Variants in ALOX15 observed in about 807,000 individuals in gnomAD.
ALOX15 encodes polyunsaturated fatty acid lipoxygenase ALOX15.
ALOX15 carries 68 observed loss-of-function variants against 71.7 expected under a neutral mutation model. The ratio of observed to expected loss-of-function variants is 0.95; its 90% confidence interval spans 0.78 to 1.16. ALOX15 has a LOEUF of 1.16. Among genes scored for constraint, ALOX15 ranks in the 50% most tolerant of loss-of-function variants. ALOX15 has a pLI of 0.00. For missense variants in ALOX15, 798 were observed against 818.8 expected, an observed-to-expected ratio of 0.97 and a Z score of 0.31; for synonymous variants, 346 against 333.3, an observed-to-expected ratio of 1.04 and a Z score of -0.42.
intron 8 of ALOX15, among the ~76,000 whole-genome samples, chr17:4,635,294 C>G (rs992375606): frequency 3.3e-5 from 5 of 151,254 alleles, no homozygotes; most frequent in Non-Finnish European, 5.9e-5. Context: ...ATTAGCCAGG[C>G]CTGGTGGTGC....
chr17:4,636,768 C>G (rs1158828826), intron 7 of ALOX15, among the ~76,000 whole-genome samples: 2 of 152,174 alleles, frequency 1.3e-5, no homozygotes, highest in Non-Finnish European at 2.9e-5. Flanking sequence ...CTACCTCAGC[C>G]TCTGCCCAGT....
chr17:4,636,161 A>C (rs1911089191), intron 7 of ALOX15, among the ~76,000 whole-genome samples, 193 bp from the exon 8 acceptor site: 1 of 152,102 alleles, frequency 6.6e-6, no homozygotes. Flanking sequence ...AGCACCCTGC[A>C]AGCTGCTTTG....
rs141412026 is a variant in ALOX15 at position 4,639,116 on chromosome 17, C to G, written c.354G>C (p.Glu118Asp). Reference protein sequence around the residue: ...LPEGTGRTVGEDPQGLFQKHR... With the variant: ...LPEGTGRTVGDDPQGLFQKHR... ...GTTTCTGGAACAGGCCCTGAGGGTC[C>G]TCGCCCACAGTGCGGCCTAGAAGGA... The change falls in exon 3 of 14, where the codon GAG (glutamate) becomes GAC (aspartate). Residue 118 changes from glutamate to aspartate, a missense_variant. Physicochemically the swap from Glu to Asp is conservative, Grantham distance 45 (BLOSUM62 2). Transcript: ENST00000293761. 79 of 1,614,202 alleles carry G rather than the reference C, an allele frequency of 4.9e-5. No homozygotes were observed. Among genetic ancestry groups the G allele is most frequent in the Middle Eastern group, 1.6e-4 (1 of 6,062 alleles).
intron 11 of ALOX15, 57 bp downstream of exon 11, chr17:4,632,804 T>G: frequency 1.2e-6 from 2 of 1,611,266 alleles, no homozygotes; most frequent in Non-Finnish European, 1.7e-6. Context: ...CACAGGGGAT[T>G]CTGGGAAGAT....
At chr17:4,634,535 C>G (rs1288612231) in intron 8 of ALOX15, among the ~76,000 whole-genome samples, 1 of 151,550 alleles carries the variant, frequency 6.6e-6, no homozygotes, top group East Asian at 1.9e-4. Flanking sequence ...TTTTAATCAC[C>G]CACTAAGTAC....
At chr17:4,634,008 C>T (rs1161543635) in intron 8 of ALOX15, among the ~76,000 whole-genome samples, 1 of 152,120 alleles carries the variant, frequency 6.6e-6, no homozygotes, top group East Asian at 1.9e-4. Flanking sequence ...AATAAGGGAA[C>T]AACAGACACC....
rs913083815 is a variant in ALOX15 at position 4,631,366 on chromosome 17, G to A, written c.*234C>T. 30 of 555,614 alleles carry A rather than the reference G, an allele frequency of 5.4e-5. No individual in the cohort carries two copies. Among genetic ancestry groups the A allele is most frequent in the Non-Finnish European group, 9.5e-5 (30 of 315,204 alleles). The allele number at this position is 555,614 out of a possible 1,614,324, so 34.4% of individuals were successfully genotyped here. ...ATAGATCTGAATGAAGAAAGAGGAA[G>A]AGAGAGAGGAAGGAAGATAGGAAAG... On this transcript the variant is annotated 3_prime_UTR_variant, in exon 14 of 14. Coordinates refer to ENST00000293761, the MANE Select transcript of ALOX15 (RefSeq NM_001140.5).
Position 4,633,496 on chromosome 17 carries a change from A to G in ALOX15, c.1166T>C (p.Ile389Thr). The change falls in exon 9 of 14, where the codon ATA (isoleucine) becomes ACA (threonine). Residue 389 changes from isoleucine to threonine, a missense_variant. Physicochemically the swap from Ile to Thr is moderately conservative, Grantham distance 89. Coordinates refer to ENST00000293761, the MANE Select transcript of ALOX15 (RefSeq NM_001140.5). ...CAGGGTGTATCGCAGGTGGGGAATT[A>G]TAAGCTAGAGGGAGAAACACAGGGA... Reference protein sequence around the residue: ...LPSIHPIFKLIIPHLRYTLEI... With the variant: ...LPSIHPIFKLTIPHLRYTLEI... 6.2e-7 allele frequency: 1 copy of G among 1,613,874 alleles called. No homozygotes were observed. Among genetic ancestry groups the G allele is most frequent in the Non-Finnish European group, 8.5e-7 (1 of 1,179,788 alleles).
intron 7 of ALOX15, among the ~76,000 whole-genome samples, chr17:4,636,592 C>G (rs1911109187): frequency 6.6e-6 from 1 of 152,274 alleles, no homozygotes; most frequent in African/African-American, 2.4e-5. Context: ...GCCCCAGTCC[C>G]TATTTCTAGC....
chr17:4,633,055 C>T lies in ALOX15; in HGVS notation c.1419-73G>A, dbSNP rs34348637. On this transcript the variant is annotated intron_variant, in intron 10 of 13. Coordinates refer to ENST00000293761, the MANE Select transcript of ALOX15 (RefSeq NM_001140.5). ...CTGCTCACATGGCCAGGTCAGGGCC[C>T]CAGGCCCCCAACCAGACGCAGACCT... 1,899 of 1,611,294 alleles carry T rather than the reference C, an allele frequency of 1.2e-3. 24 individuals are homozygous for T. The African/African-American group carries it at 0.022, about 19-fold the overall frequency.
intron 5 of ALOX15, 66 bp from the exon 6 acceptor site, chr17:4,638,443 C>A: frequency 1.3e-6 from 1 of 785,070 alleles, no homozygotes; most frequent in Non-Finnish European, 2.1e-6. Context: ...CCCCACCAAC[C>A]ATGCCTCCTT....
chr17:4,633,360 G>C, intron 9 of ALOX15, 45 bp from the exon 10 acceptor site: 1 of 1,611,702 alleles, frequency 6.2e-7, no homozygotes, highest in Non-Finnish European at 8.5e-7. Flanking sequence ...GACCTGCCCT[G>C]AATCCAGAGC....
In ALOX15 at chr17:4,635,835, A is replaced by G. The variant is rs565544998; in HGVS notation, c.1085T>C (p.Leu362Pro). Residue 362 changes from leucine to proline, a missense_variant, in exon 8 of 14, where the codon CTG becomes CCG. By Grantham distance (98) the Leu-to-Pro change is moderately conservative. Transcript: ENST00000293761. ...GACCTCAGCCATCAAGTGTCCCCTC[A>G]GAAGATGAGACTGCAGCTCATGGAG... ...FQLHELQSHLLRGHLMAEVIV... is the reference protein window; with the variant it reads ...FQLHELQSHLPRGHLMAEVIV... 168 of 1,614,274 alleles carry G rather than the reference A, an allele frequency of 1.0e-4. 1 individual carries two copies. The South Asian group carries it at 1.8e-3, about 17-fold the overall frequency.
At chr17:4,635,649 A>C in intron 8 of ALOX15, 110 bp downstream of exon 8, 1 of 1,053,298 alleles carries the variant, frequency 9.5e-7, no homozygotes, top group South Asian at 1.5e-5. Context: ...TTGTCCATTC[A>C]TTGTTTCTCT....
In ALOX15 at chr17:4,639,366, C is replaced by A. The variant is rs1421306221; in HGVS notation, c.337+64G>T. On this transcript the variant is annotated intron_variant, in intron 2 of 13. Transcript: ENST00000293761. ...CCCATCCTGCGCCCTCTTCTCCACACGCGCATCCCCCCAGCTTCTCACACA... is the reference window on the plus strand; with the variant it reads ...CCCATCCTGCGCCCTCTTCTCCACAAGCGCATCCCCCCAGCTTCTCACACA... The A allele has an allele frequency of 4.4e-6, 7 of 1,587,582 alleles. 1 individual carries two copies. The South Asian group carries it at 5.6e-5, about 13-fold the overall frequency.
rs774126334 is a variant in ALOX15, at chr17:4,632,997, A to G, written c.1419-15T>C. The G allele has an allele frequency of 7.4e-6, 12 of 1,613,934 alleles. No individual in the cohort carries two copies. The highest frequency in any genetic ancestry group is 2.7e-5 in the African/African-American group (2 of 74,868). ...CTTCCACATACCTACCAACCAACGG[A>G]GCAGGGCCAGGGAGCTGAAGCCAGC... is the stretch of plus-strand genomic sequence containing the variant. On this transcript the variant is annotated splice_polypyrimidine_tract_variant and intron_variant, in intron 10 of 13. Transcript: ENST00000293761.
chr17:4,638,792 C>G, intron 4 of ALOX15, 58 bp downstream of exon 4: 1 of 1,613,418 alleles, frequency 6.2e-7, no homozygotes, highest in African/African-American at 1.3e-5. Flanking sequence ...CCCATAAGCC[C>G]CTTGGCTTCC....
chr17:4,639,731 T>G (rs1911251696), intron 1 of ALOX15, 100 bp from the exon 2 acceptor site: 2 of 1,204,470 alleles, frequency 1.7e-6, no homozygotes, highest in African/African-American at 1.6e-5. Context: ...CCTCGGAGCC[T>G]CTGAGAGGAG....
chr17:4,635,617 C>T, intron 8 of ALOX15, 142 bp downstream of exon 8: 1 of 808,124 alleles, frequency 1.2e-6, no homozygotes, highest in Non-Finnish European at 2.0e-6. Flanking sequence ...GCCAGCCCTG[C>T]TCATTCTCTG....
Sources: gnomAD v4.1 joint callset for allele counts (sites outside exome capture counted in the v4.1 genomes callset) on GRCh38, gnomAD v4.1.1 for gene constraint, MANE v1.5 for transcripts, NCBI Gene and HGNC (gene_info 2026-07-23, HGNC 2026-07-21) for gene names.